The following FBLN1 variants were observed in gnomAD, a reference collection of about 807,000 sequenced individuals.
The protein encoded by FBLN1 is fibulin 1, also known as fibulin-1.
FBLN1 carries 34 observed loss-of-function variants against 89.7 expected under a neutral mutation model. That is an observed-to-expected ratio of 0.38 (90% confidence interval 0.29 to 0.50). The LOEUF (loss-of-function observed/expected upper bound fraction) is 0.50, where lower values mean the gene tolerates loss of function less well. FBLN1 is among the 20% of genes least tolerant of loss of function. FBLN1 has a pLI of 0.92. For missense variants in FBLN1, 777 were observed against 988.1 expected (o/e 0.79, Z 2.86); for synonymous variants, 393 against 391.3 (o/e 1.00, Z -0.05).
At chr22:45,535,075 A>T (rs1455604235) in intron 7 of FBLN1, 125 bp from the exon 8 acceptor site, 1 of 1,100,570 alleles carries the variant, frequency 9.1e-7, no homozygotes, top group Non-Finnish European at 1.4e-6. Flanking sequence ...TTTCTCTATT[A>T]GAATGTTTTG....
In FBLN1 at chr22:45,545,381, C is replaced by T. The variant is rs139596113; in HGVS notation, c.1322-1704C>T. On this transcript the variant is annotated intron_variant, in intron 11 of 16. Transcript: ENST00000327858. The surrounding 1 kb of genome is among the most constrained non-coding windows in gnomAD (Gnocchi z 5.9). The stretch of plus-strand genomic sequence containing the variant: ...GAGATTAAGCATGTGAAGAGCTTAT[C>T]ACAGGGCCAAGCACAGGATGAAGAG... 1.3e-5 allele frequency among the ~76,000 whole-genome samples: 2 copies of T among 152,310 alleles called. No individual in the cohort carries two copies. Among genetic ancestry groups the T allele is most frequent in the East Asian group, 3.9e-4 (2 of 5,176 alleles).
At chr22:45,554,879 A>G (rs1452669016) in intron 14 of FBLN1, among the ~76,000 whole-genome samples, 2 of 152,250 alleles carry the variant, frequency 1.3e-5, no homozygotes, top group Non-Finnish European at 2.9e-5. Context: ...ACTTGTTACT[A>G]TCCTGTAGCG....
chr22:45,533,234 C>A, intron 6 of FBLN1, 70 bp downstream of exon 6: 1 of 1,385,890 alleles, frequency 7.2e-7, no homozygotes, highest in Non-Finnish European at 1.0e-6. Flanking sequence ...TGCTGGAGGA[C>A]TGACCAGGGC....
In FBLN1 at chr22:45,545,599, T is replaced by C. The variant is rs993255360; in HGVS notation, c.1322-1486T>C. Among the ~76,000 whole-genome samples, 7 of 152,110 alleles carry C rather than the reference T, an allele frequency of 4.6e-5. No homozygotes were observed. Among genetic ancestry groups the C allele is most frequent in the Non-Finnish European group, 2.9e-5 (2 of 68,014 alleles). ...TGACCTTACTAACCATTTGTTAGGG[T>C]CCTGCCCCGGGTGTGTAGCAAGAAC... On this transcript the variant is annotated intron_variant, in intron 11 of 16. Coordinates refer to ENST00000327858, the MANE Select transcript of FBLN1 (RefSeq NM_006486.3). The surrounding 1 kb of genome is among the most constrained non-coding windows in gnomAD (Gnocchi z 5.9).
chr22:45,534,522 A>T (rs1021020633), intron 7 of FBLN1, among the ~76,000 whole-genome samples: 1 of 152,176 alleles, frequency 6.6e-6, no homozygotes, highest in African/African-American at 2.4e-5. Flanking sequence ...ACAGTTTTGC[A>T]GAGGGTTTCA....
rs1375208658 is a variant in FBLN1, at chr22:45,565,243, G to T, written c.1698-9268G>T. ...TCTGAGCTTCCTTAGAACCTTCCAT[G>T]GTTGTCTTTTCCCAGCAGATGAAGC... On this transcript the variant is annotated intron_variant, in intron 14 of 16. Transcript: ENST00000327858. 6 of 1,410,038 alleles carry T rather than the reference G, an allele frequency of 4.3e-6. No individual in the cohort carries two copies. The East Asian group carries it at 2.0e-4, about 47-fold the overall frequency. 87.3% of individuals were successfully genotyped at this position (1,410,038 alleles called of 1,614,324 possible).
intron 2 of FBLN1, among the ~76,000 whole-genome samples, chr22:45,521,035 C>A (rs147658827): frequency 2.6e-5 from 4 of 151,984 alleles, no homozygotes; most frequent in African/African-American, 9.7e-5. Context: ...AGGCTGGTCT[C>A]GAACTCCTGA....
At chr22:45,508,778 C>T (rs993833883) in intron 1 of FBLN1, among the ~76,000 whole-genome samples, 1 of 152,114 alleles carries the variant, frequency 6.6e-6, no homozygotes, top group South Asian at 2.1e-4. Flanking sequence ...ATCATTTGTG[C>T]GTTCATTCAT....
In FBLN1 at chr22:45,600,483, G is replaced by A. The variant is rs1252247787; in HGVS notation, c.*37G>A. On this transcript the variant is annotated 3_prime_UTR_variant, in exon 17 of 17. Coordinates refer to ENST00000327858, the MANE Select transcript of FBLN1 (RefSeq NM_006486.3). ...CCGCACAGCCGCAGGTGCACCTCCA[G>A]GCCAAATCATTGCTGCCAGTGACTG... 4 of 1,613,726 alleles carry A rather than the reference G, an allele frequency of 2.5e-6. No individual in the cohort carries two copies. The highest frequency in any genetic ancestry group is 2.5e-6 in the Non-Finnish European group (3 of 1,179,654).
At position 45,533,390 on chromosome 22, in the gene FBLN1, G is replaced by C. The variant is rs576428329; in HGVS notation, c.646+226G>C. ...AGCACTGGGGTTGGGAAAGAGGATGGAGTTGGGGTCTAACCAGGTTCCGGA... is the reference window on the plus strand; with the variant it reads ...AGCACTGGGGTTGGGAAAGAGGATGCAGTTGGGGTCTAACCAGGTTCCGGA... On this transcript the variant is annotated intron_variant, in intron 6 of 16. Coordinates refer to ENST00000327858, the MANE Select transcript of FBLN1 (RefSeq NM_006486.3). Among the ~76,000 whole-genome samples, 6 of 152,336 alleles carry C rather than the reference G, an allele frequency of 3.9e-5. No homozygotes were observed. In the South Asian group the frequency reaches 6.2e-4, roughly 16 times the overall value.
rs1357321403 is a variant in FBLN1, at chr22:45,580,668, G to A, written c.1972+3560G>A. Among the ~76,000 whole-genome samples, 3 of 152,248 alleles carry A rather than the reference G, an allele frequency of 2.0e-5. No homozygotes were observed. The highest frequency in any genetic ancestry group is 7.2e-5 in the African/African-American group (3 of 41,468). On this transcript the variant is annotated intron_variant, in intron 16 of 16. Transcript: ENST00000327858. This position sits in a 1 kb window ranked among gnomAD's most constrained non-coding sequence, Gnocchi z 8.6. Reference sequence around the variant, plus strand: ...TCCCCAGACACCACACCCGCCCAGAGCCGGAGCCCAGGGTTGACTGCTGCT... The same window carrying A: ...TCCCCAGACACCACACCCGCCCAGAACCGGAGCCCAGGGTTGACTGCTGCT...
chr22:45,528,362 C>T (rs2088359201), intron 4 of FBLN1, among the ~76,000 whole-genome samples: 1 of 151,582 alleles, frequency 6.6e-6, no homozygotes, highest in Non-Finnish European at 1.5e-5. Context: ...TTTTTTGAGA[C>T]AGAATCTCTC....
intron 7 of FBLN1, among the ~76,000 whole-genome samples, chr22:45,534,234 C>G (rs1450814439): frequency 7.8e-6 from 1 of 128,008 alleles, no homozygotes; most frequent in African/African-American, 3.0e-5. Flanking sequence ...AGGCTCAGTG[C>G]ATGACTATTT....
chr22:45,573,008 C>T (rs573247553), intron 14 of FBLN1, among the ~76,000 whole-genome samples: 74 of 152,130 alleles, frequency 4.9e-4, no homozygotes, highest in Non-Finnish European at 9.1e-4. Flanking sequence ...GGGTGGGTCA[C>T]CTGAGGTCAG....
Position 45,537,428 on chromosome 22 carries a change from G to A in FBLN1, c.922+2091G>A, listed in dbSNP as rs2088496519. Among the ~76,000 whole-genome samples, 1 of 152,114 alleles carries A rather than the reference G, an allele frequency of 6.6e-6. No individual in the cohort carries two copies. The highest frequency in any genetic ancestry group is 2.1e-4 in the South Asian group (1 of 4,822). On this transcript the variant is annotated intron_variant, in intron 8 of 16. Coordinates refer to ENST00000327858, the MANE Select transcript of FBLN1 (RefSeq NM_006486.3). This position sits in a 1 kb window ranked among gnomAD's most constrained non-coding sequence, Gnocchi z 5.7. ...GAGGTCAGGAGTTCGAGACCAGCCT[G>A]ACCAATATGGTGAAACCCCGTCTCT... is the stretch of plus-strand genomic sequence containing the variant.
chr22:45,526,976 G>A (rs1602177268), intron 3 of FBLN1, among the ~76,000 whole-genome samples: 1 of 152,210 alleles, frequency 6.6e-6, no homozygotes, highest in Non-Finnish European at 1.5e-5. Flanking sequence ...TCTGGCAGAT[G>A]AGCGACTTGT....
chr22:45,560,480 A>C (rs184556168), intron 14 of FBLN1, among the ~76,000 whole-genome samples: 69 of 152,280 alleles, frequency 4.5e-4, no homozygotes, highest in Admixed American at 1.3e-3. Flanking sequence ...ACATTAAACC[A>C]AGGAAGACCA....
rs533121392 is a variant in FBLN1 at position 45,549,654 on chromosome 22, G to T, written c.1574-838G>T. Among the ~76,000 whole-genome samples, 3 of 152,228 alleles carry T rather than the reference G, an allele frequency of 2.0e-5. No individual in the cohort carries two copies. The East Asian group carries it at 5.8e-4, about 29-fold the overall frequency. On this transcript the variant is annotated intron_variant, in intron 13 of 16. Transcript: ENST00000327858. This position sits in a 1 kb window ranked among gnomAD's most constrained non-coding sequence, Gnocchi z 5.7. ...CAGCATAAACACATTCCTGAGCCGGGCCTTTGAGGCTGGGGAGTGTTGTTT... is the reference window on the plus strand; with the variant it reads ...CAGCATAAACACATTCCTGAGCCGGTCCTTTGAGGCTGGGGAGTGTTGTTT...
At position 45,531,958 on chromosome 22, in the gene FBLN1, A is replaced by C. The variant is rs568944425; in HGVS notation, c.544+634A>C. ...GGTTCTGTCACCATTGGTGATATTC[A>C]TTTGCCTCACAGGGAGATGTCTGCA... On this transcript the variant is annotated intron_variant, in intron 5 of 16. Coordinates refer to ENST00000327858, the MANE Select transcript of FBLN1 (RefSeq NM_006486.3). This position sits in a 1 kb window ranked among gnomAD's most constrained non-coding sequence, Gnocchi z 4.9. Among the ~76,000 whole-genome samples the C allele has an allele frequency of 2.6e-5, 4 of 152,232 alleles. No homozygotes were observed. The East Asian group carries it at 7.7e-4, about 29-fold the overall frequency.
Sources: allele counts gnomAD v4.1 joint callset (sites outside exome capture counted in the v4.1 genomes callset), GRCh38; gene constraint gnomAD v4.1.1; non-coding constraint Gnocchi (gnomAD v3.1); transcripts MANE v1.5; gene names NCBI Gene and HGNC (gene_info 2026-07-23, HGNC 2026-07-21).